Variants in LHFPL3 observed in about 807,000 individuals in gnomAD.
The protein encoded by LHFPL3 is LHFPL tetraspan subfamily member 3, also known as LHFPL tetraspan subfamily member 3 protein.
A neutral mutation model predicts 19.3 loss-of-function variants in LHFPL3; 5 were observed. That is an observed-to-expected ratio of 0.26 (90% CI 0.14 to 0.54). The LOEUF is 0.54. LHFPL3 is among the 20% of genes least tolerant of loss of function. The pLI is 0.94. For missense variants in LHFPL3, 249 were observed against 307.4 expected (o/e 0.81, Z 1.42); for synonymous variants, 133 against 126.2 (o/e 1.05, Z -0.36).
chr7:104,631,358 A>G (rs111279943), intron 1 of LHFPL3, among the ~76,000 whole-genome samples: 48 of 151,298 alleles, frequency 3.2e-4, no homozygotes, highest in African/African-American at 1.1e-3. Flanking sequence ...CCCCAACCCA[A>G]CTCTACCCCC....
intron 2 of LHFPL3, among the ~76,000 whole-genome samples, chr7:104,854,803 C>T (rs1467239072): frequency 6.6e-6 from 1 of 152,142 alleles, no homozygotes; most frequent in Non-Finnish European, 1.5e-5. Context: ...TGCAGGGCTA[C>T]ATTTTAAATG....
chr7:104,534,932 A>G (rs142976899), intron 1 of LHFPL3, among the ~76,000 whole-genome samples: 157 of 152,320 alleles, frequency 1.0e-3, no homozygotes, highest in African/African-American at 3.5e-3. Context: ...ATTCTGACTT[A>G]CAATTACGAC....
chr7:104,344,312 T>G (rs1469350387), intron 1 of LHFPL3, among the ~76,000 whole-genome samples: 1 of 152,198 alleles, frequency 6.6e-6, no homozygotes, highest in Non-Finnish European at 1.5e-5. Flanking sequence ...GTTGGTAACC[T>G]GGATGAATGG....
chr7:104,833,228 ATTAC>A (rs1321412218), intron 2 of LHFPL3, among the ~76,000 whole-genome samples: 2 of 89,022 alleles, frequency 2.2e-5, no homozygotes, highest in African/African-American at 4.7e-5. Context: ...ACTTACTTGT[ATTAC>A]TTACTTGTAT....
In LHFPL3 at chr7:104,746,311, C is replaced by CA. The variant is rs547925139; in HGVS notation, c.682+9410dup. Among the ~76,000 whole-genome samples, 237 of 146,860 alleles carry CA rather than the reference C, an allele frequency of 1.6e-3. 1 individual carries two copies. The highest frequency in any genetic ancestry group is 3.0e-3 in the Admixed American group (45 of 14,786). ...TAGGAAATAGAGCGAGACTCCATCT[C>CA]AAAAAAAAAAGTATTCCAGGGATTG... is the stretch of plus-strand genomic sequence containing the variant. On this transcript the variant is annotated intron_variant, in intron 2 of 2. Transcript: ENST00000424859.
chr7:104,612,179 C>T (rs887705641), intron 1 of LHFPL3, among the ~76,000 whole-genome samples: 1 of 152,154 alleles, frequency 6.6e-6, no homozygotes, highest in Non-Finnish European at 1.5e-5. Flanking sequence ...ACATAGACAT[C>T]GTCAAACCTG....
At chr7:104,587,674 A>G (rs1790609315) in intron 1 of LHFPL3, among the ~76,000 whole-genome samples, 2 of 152,040 alleles carry the variant, frequency 1.3e-5, no homozygotes. Context: ...TTCTAGTTCT[A>G]GATCCCTGAG....
chr7:104,812,940 C>T (rs925133941), intron 2 of LHFPL3, among the ~76,000 whole-genome samples: 1 of 151,756 alleles, frequency 6.6e-6, no homozygotes, highest in African/African-American at 2.4e-5. Context: ...GGTGAAACCC[C>T]TTCTCTACTA....
At chr7:104,508,659 G>GA (rs1298839523) in intron 1 of LHFPL3, among the ~76,000 whole-genome samples, 1 of 150,870 alleles carries the variant, frequency 6.6e-6, no homozygotes, top group African/African-American at 2.4e-5. Context: ...GCATACATTA[G>GA]AAAAAAGGAG....
intron 1 of LHFPL3, among the ~76,000 whole-genome samples, chr7:104,587,062 C>A (rs755727743): frequency 2.6e-5 from 4 of 151,966 alleles, no homozygotes; most frequent in Non-Finnish European, 5.9e-5. Context: ...GAGAAAAACG[C>A]TCATTGAGTT....
chr7:104,506,783 A>T (rs1482029399), intron 1 of LHFPL3, among the ~76,000 whole-genome samples: 1 of 152,218 alleles, frequency 6.6e-6, no homozygotes, highest in Non-Finnish European at 1.5e-5. Context: ...GCAATTCCAA[A>T]TGCAGCAGAT....
chr7:104,652,036 G>T (rs542972863), intron 1 of LHFPL3, among the ~76,000 whole-genome samples: 7 of 152,328 alleles, frequency 4.6e-5, no homozygotes, highest in Admixed American at 3.9e-4. Context: ...AGGAGGAGGA[G>T]AGAGGCATCT....
At chr7:104,454,034 C>T (rs1443071689) in intron 1 of LHFPL3, among the ~76,000 whole-genome samples, 1 of 152,146 alleles carries the variant, frequency 6.6e-6, no homozygotes, top group Non-Finnish European at 1.5e-5. Flanking sequence ...CAAGAACTGC[C>T]TAATACGCCT....
At chr7:104,339,140 C>T (rs112839662) in intron 1 of LHFPL3, among the ~76,000 whole-genome samples, 15,838 of 151,858 alleles carry the variant, frequency 0.1, 1,113 homozygotes, top group African/African-American at 0.19. Flanking sequence ...CCCAGCTACT[C>T]GGGAGGCCGA....
chr7:104,364,100 A>G (rs920591866), intron 1 of LHFPL3, among the ~76,000 whole-genome samples: 2 of 152,220 alleles, frequency 1.3e-5, no homozygotes, highest in Admixed American at 1.3e-4. Flanking sequence ...TTTCCACCCC[A>G]TAATCAGCCA....
chr7:104,336,265 T>C (rs1235890944), intron 1 of LHFPL3, among the ~76,000 whole-genome samples: 1 of 152,130 alleles, frequency 6.6e-6, no homozygotes, highest in Non-Finnish European at 1.5e-5. Context: ...GTAGATAAGT[T>C]ATTTGATGAC....
intron 1 of LHFPL3, among the ~76,000 whole-genome samples, chr7:104,606,146 C>G (rs1046801450): frequency 1.9e-4 from 29 of 152,162 alleles, no homozygotes; most frequent in African/African-American, 7.0e-4. Context: ...CAGGCGTGAG[C>G]CACCACACCT....
chr7:104,895,802 G>A (rs1377440459), intron 2 of LHFPL3: 1 of 152,196 alleles, frequency 6.6e-6, no homozygotes, highest in Admixed American at 6.5e-5. Context: ...GCTTCGGTCT[G>A]CTTACCGGAA....
intron 1 of LHFPL3, among the ~76,000 whole-genome samples, chr7:104,382,671 C>T (rs1043055615): frequency 2.6e-5 from 4 of 152,174 alleles, no homozygotes; most frequent in Admixed American, 6.5e-5. Flanking sequence ...CTCTGTATGC[C>T]CCATATCTGT....
Sources: allele counts gnomAD v4.1 joint callset (sites outside exome capture counted in the v4.1 genomes callset), GRCh38; gene constraint gnomAD v4.1.1; transcripts MANE v1.5; gene names NCBI Gene and HGNC (gene_info 2026-07-23, HGNC 2026-07-21).